Variants in CNOT6 observed in about 807,000 individuals in gnomAD.
CNOT6 encodes CCR4-NOT transcription complex subunit 6.
A neutral mutation model predicts 61.2 loss-of-function variants in CNOT6; 12 were observed. That is an observed-to-expected ratio of 0.20 (90% CI 0.13 to 0.32). The LOEUF is 0.32. CNOT6 is among the 10% of genes least tolerant of loss of function. The pLI is 1.00. For missense variants in CNOT6, 405 were observed against 663.9 expected (o/e 0.61, Z 4.28); for synonymous variants, 225 against 240.6 (o/e 0.94, Z 0.60).
intron 2 of CNOT6, among the ~76,000 whole-genome samples, chr5:180,541,598 AC>A (rs1217797551): frequency 6.7e-6 from 1 of 150,146 alleles, no homozygotes; most frequent in Non-Finnish European, 1.5e-5. Context: ...ACTAACAGGC[AC>A]CTGCCATCAC....
chr5:180,563,832 G>A (rs559730644), intron 4 of CNOT6, among the ~76,000 whole-genome samples: 2 of 152,280 alleles, frequency 1.3e-5, no homozygotes, highest in East Asian at 3.9e-4. Context: ...AAACCCTTCT[G>A]AGAGGATTTG....
intron 1 of CNOT6, among the ~76,000 whole-genome samples, chr5:180,506,946 T>A (rs1041070650): frequency 1.3e-5 from 2 of 152,148 alleles, no homozygotes; most frequent in Non-Finnish European, 1.5e-5. Context: ...GATAAAAAAA[T>A]ACTAAGGCAG....
At chr5:180,558,532 G>T (rs1241552213) in intron 4 of CNOT6, among the ~76,000 whole-genome samples, 3 of 136,218 alleles carry the variant, frequency 2.2e-5, no homozygotes, top group Admixed American at 1.5e-4. Context: ...CAAAAAACCT[G>T]CTATTGCTTT....
chr5:180,532,552 A>G (rs1174459722), intron 2 of CNOT6, among the ~76,000 whole-genome samples: 1 of 152,134 alleles, frequency 6.6e-6, no homozygotes, highest in East Asian at 1.9e-4. Context: ...AACACAAAAG[A>G]AGACTTCTGT....
At chr5:180,527,406 G>A (rs9329113) in intron 1 of CNOT6, among the ~76,000 whole-genome samples, 5,696 of 152,136 alleles carry the variant, frequency 0.037, 232 homozygotes, top group African/African-American at 0.1. Context: ...CTGGATGTCT[G>A]TATTCTTGTA....
At chr5:180,564,805 T>C (rs1760372313) in intron 6 of CNOT6, 62 bp downstream of exon 6, 1 of 1,213,250 alleles carries the variant, frequency 8.2e-7, no homozygotes, top group Non-Finnish European at 1.2e-6. Context: ...CTAACAGTAT[T>C]GTCAGCATGC....
intron 1 of CNOT6, among the ~76,000 whole-genome samples, chr5:180,510,464 G>A (rs776306360): frequency 2.0e-5 from 3 of 152,056 alleles, no homozygotes; most frequent in Non-Finnish European, 4.4e-5. Flanking sequence ...TGTGACTATC[G>A]TCTAATGGAA....
intron 1 of CNOT6, among the ~76,000 whole-genome samples, chr5:180,519,154 A>C (rs938067460): frequency 7.2e-5 from 11 of 152,232 alleles, no homozygotes; most frequent in African/African-American, 2.2e-4. Flanking sequence ...TTGGGGTAAG[A>C]GGAAACTTTT....
In CNOT6 at chr5:180,569,357, A is replaced by T. The variant is rs2127766017; in HGVS notation, c.1258+17A>T. On this transcript the variant is annotated intron_variant, in intron 10 of 11. Transcript: ENST00000261951. Reference sequence around the variant, plus strand: ...CAGACTCTGGTAAGAAAATAATGTGATTTTATGTAGAATATTTTTTGACAT... The same window carrying T: ...CAGACTCTGGTAAGAAAATAATGTGTTTTTATGTAGAATATTTTTTGACAT... The T allele has an allele frequency of 6.6e-7, 1 of 1,504,350 alleles. No homozygotes were observed. The highest frequency in any genetic ancestry group is 2.3e-5 in the East Asian group (1 of 44,114). The allele number at this position is 1,504,350 out of a possible 1,614,324, so 93.2% of individuals were successfully genotyped here. A position where few individuals can be genotyped will look rare whatever the true frequency, so the allele number is the denominator to read the frequency against.
At chr5:180,570,895 C>A (rs142553751) in intron 10 of CNOT6, among the ~76,000 whole-genome samples, 1 of 152,114 alleles carries the variant, frequency 6.6e-6, no homozygotes, top group Non-Finnish European at 1.5e-5. Flanking sequence ...AGATGCTGAT[C>A]GTGGTGTTAT....
At chr5:180,545,477 T>G (rs569444809) in intron 2 of CNOT6, among the ~76,000 whole-genome samples, 2 of 152,350 alleles carry the variant, frequency 1.3e-5, no homozygotes, top group South Asian at 4.1e-4. Context: ...TTGTTGTTTT[T>G]GGTGATTTTG....
intron 1 of CNOT6, among the ~76,000 whole-genome samples, chr5:180,514,798 TAAGA>T (rs1275887390): frequency 6.6e-6 from 1 of 152,234 alleles, no homozygotes; most frequent in Non-Finnish European, 1.5e-5. Context: ...AAAACTTCCT[TAAGA>T]AAGCATGATT....
Position 180,551,716 on chromosome 5 carries a change from A to C in CNOT6, c.299+1599A>C, listed in dbSNP as rs111483782. Among the ~76,000 whole-genome samples the C allele has an allele frequency of 6.4e-3, 975 of 152,200 alleles. 11 individuals carry two copies. The highest frequency in any genetic ancestry group is 0.023 in the African/African-American group (940 of 41,530). On this transcript the variant is annotated intron_variant, in intron 3 of 11. Coordinates refer to ENST00000261951, the MANE Select transcript of CNOT6 (RefSeq NM_001370472.1). Reference sequence around the variant, plus strand: ...TTCCTGCTGCCTTCTGCCATTAGCCATGTAGTAAAAAGGAATAAGGACCTT... The same window carrying C: ...TTCCTGCTGCCTTCTGCCATTAGCCCTGTAGTAAAAAGGAATAAGGACCTT...
In CNOT6 at chr5:180,567,034, T is replaced by C. The variant is rs1760500883; in HGVS notation, c.718-54T>C. ...CTCTCAAACTATACATAGAAGTTAATATGCAGACTAATTTTTGTCTTATGA... is the reference window on the plus strand; with the variant it reads ...CTCTCAAACTATACATAGAAGTTAACATGCAGACTAATTTTTGTCTTATGA... On this transcript the variant is annotated intron_variant, in intron 7 of 11. Coordinates refer to ENST00000261951, the MANE Select transcript of CNOT6 (RefSeq NM_001370472.1). The C allele has an allele frequency of 2.0e-6, 3 of 1,489,926 alleles. No homozygotes were observed. The East Asian group carries it at 6.8e-5, about 34-fold the overall frequency. 92.3% of individuals were successfully genotyped at this position (1,489,926 alleles called of 1,614,324 possible).
At chr5:180,533,214 T>C (rs575905499) in intron 2 of CNOT6, among the ~76,000 whole-genome samples, 1 of 151,204 alleles carries the variant, frequency 6.6e-6, no homozygotes, top group Admixed American at 6.6e-5. Context: ...GAAAGGAGGA[T>C]AGGAGAAGGT....
At chr5:180,512,524 G>A (rs1261686005) in intron 1 of CNOT6, among the ~76,000 whole-genome samples, 1 of 152,176 alleles carries the variant, frequency 6.6e-6, no homozygotes, top group Non-Finnish European at 1.5e-5. Context: ...GGATGATATA[G>A]AATCATCATT....
At chr5:180,518,210 T>C (rs749049089) in intron 1 of CNOT6, among the ~76,000 whole-genome samples, 1 of 152,214 alleles carries the variant, frequency 6.6e-6, no homozygotes, top group Non-Finnish European at 1.5e-5. Context: ...TAGTTTGTCC[T>C]GTGAGGACCC....
At chr5:180,559,094 GT>G (rs1478281994) in intron 4 of CNOT6, among the ~76,000 whole-genome samples, 11 of 152,154 alleles carry the variant, frequency 7.2e-5, no homozygotes, top group African/African-American at 2.7e-4. Flanking sequence ...TGTGTTTTCT[GT>G]TTTTGGGTAG....
At chr5:180,531,581 G>A (rs1480977865) in intron 2 of CNOT6, among the ~76,000 whole-genome samples, 1 of 152,136 alleles carries the variant, frequency 6.6e-6, no homozygotes, top group African/African-American at 2.4e-5. Context: ...CCCAGACGGG[G>A]TGGCGGCCAG....
Sources: gnomAD v4.1 joint callset for allele counts (sites outside exome capture counted in the v4.1 genomes callset) on GRCh38, gnomAD v4.1.1 for gene constraint, MANE v1.5 for transcripts, NCBI Gene and HGNC (gene_info 2026-07-23, HGNC 2026-07-21) for gene names.